The following IL5 variants were observed in gnomAD, a reference collection of about 807,000 sequenced individuals.
IL5 encodes interleukin-5.
In IL5, 12 loss-of-function variants were observed where a neutral mutation model predicts 16.3. That is an observed-to-expected ratio of 0.74 (90% CI 0.47 to 1.20). The LOEUF (loss-of-function observed/expected upper bound fraction) is 1.20, where lower values mean the gene tolerates loss of function less well. Ranked by LOEUF, IL5 falls within the 50% of genes most tolerant of loss-of-function variation. The pLI is 0.00. For synonymous variants in IL5, 54 were observed against 56.6 expected (o/e 0.95, Z 0.21); for missense variants, 159 against 153.9 (o/e 1.03, Z -0.17).
chr5:132,542,379 T>A (rs1257112753), intron 2 of IL5, among the ~76,000 whole-genome samples: 1 of 152,178 alleles, frequency 6.6e-6, no homozygotes, highest in African/African-American at 2.4e-5. Context: ...TTTTGTTTGT[T>A]TTCTAGGCAA....
intron 1 of IL5, among the ~76,000 whole-genome samples, chr5:132,549,388 A>G (rs1197739197): frequency 1.3e-5 from 2 of 152,158 alleles, no homozygotes; most frequent in African/African-American, 4.8e-5. Flanking sequence ...AGGAGCCTAA[A>G]GTAACAAACA....
chr5:132,541,861 G>C lies in IL5; in HGVS notation c.355C>G (p.Leu119Val). 6.2e-7 allele frequency: 1 copy of C among 1,613,832 alleles called. No homozygotes were observed. Among genetic ancestry groups the C allele is most frequent in the Non-Finnish European group, 8.5e-7 (1 of 1,179,850 alleles). Residue 119 changes from leucine to valine, a missense_variant, in exon 4 of 4, where the codon CTG (leucine) becomes GTG (valine). By Grantham distance (32) the Leu-to-Val change is conservative (BLOSUM62 1). Transcript: ENST00000231454. The stretch of plus-strand genomic sequence containing the variant: ...TTCATTACACCAAGAAACTCTTGCA[G>C]GTAGTCTAGGAATTGGTTTACTCTC... ...RRRVNQFLDY[L>V]QEFLGVMNTE...
At chr5:132,545,019 G>A (rs531717159), upstream of IL5, among the ~76,000 whole-genome samples, 5 of 152,288 alleles carry the variant, frequency 3.3e-5, no homozygotes, top group South Asian at 1.0e-3. Flanking sequence ...GGTTAGATGT[G>A]TCTGATTTGC....
chr5:132,556,471 C>T, intron 1 of IL5: 1 of 183,410 alleles, frequency 5.5e-6, no homozygotes. Flanking sequence ...CCTCAAAGAG[C>T]GTGTACGTGA....
upstream of IL5, chr5:132,543,552 T>C (rs1749737815): frequency 1.0e-5 from 15 of 1,448,926 alleles, 1 homozygote; most frequent in South Asian, 2.2e-4. Flanking sequence ...AGTCAATTTA[T>C]TGTCTGTCTT....
intron 1 of IL5, among the ~76,000 whole-genome samples, chr5:132,553,803 C>T (rs1463695545): frequency 1.3e-5 from 2 of 151,614 alleles, no homozygotes; most frequent in African/African-American, 4.8e-5. Flanking sequence ...GGCGCGGTGG[C>T]GGGCGCCTGT....
chr5:132,552,562 A>G (rs1321432119), intron 1 of IL5, among the ~76,000 whole-genome samples: 1 of 151,980 alleles, frequency 6.6e-6, no homozygotes, highest in Non-Finnish European at 1.5e-5. Flanking sequence ...TTGTAATGGA[A>G]CCTGGTTACC....
At chr5:132,544,493 C>T (rs2069811), upstream of IL5, among the ~76,000 whole-genome samples, 2,081 of 152,306 alleles carry the variant, frequency 0.014, 52 homozygotes, top group African/African-American at 0.048. Flanking sequence ...GTCACAGATA[C>T]ACAATACATG....
intron 1 of IL5, among the ~76,000 whole-genome samples, chr5:132,549,196 C>T (rs1749843671): frequency 1.3e-5 from 2 of 152,168 alleles, no homozygotes; most frequent in Admixed American, 1.3e-4. Context: ...GCTGGGATTA[C>T]AGGCACCTGC....
intron 1 of IL5, among the ~76,000 whole-genome samples, chr5:132,551,500 G>T (rs2149826678): frequency 6.6e-6 from 1 of 152,228 alleles, no homozygotes; most frequent in African/African-American, 2.4e-5. Flanking sequence ...ATATGTGCAT[G>T]TGAGGTGAAT....
upstream of IL5, among the ~76,000 whole-genome samples, chr5:132,548,500 T>G (rs1419610146): frequency 6.6e-6 from 1 of 152,246 alleles, no homozygotes; most frequent in African/African-American, 2.4e-5. Flanking sequence ...CTTTGCTTAG[T>G]TCCACGTTAT....
intron 1 of IL5, among the ~76,000 whole-genome samples, chr5:132,555,812 G>A (rs1456345029): frequency 6.6e-6 from 1 of 152,174 alleles, no homozygotes; most frequent in Non-Finnish European, 1.5e-5. Context: ...ACCGCGCCTG[G>A]CCAAGACAGT....
chr5:132,546,808 G>A (rs576683786), upstream of IL5, among the ~76,000 whole-genome samples: 3 of 152,110 alleles, frequency 2.0e-5, no homozygotes, highest in Non-Finnish European at 2.9e-5. Context: ...GGCAGATCAC[G>A]AGGTCAGGAG....
upstream of IL5, among the ~76,000 whole-genome samples, chr5:132,544,737 A>C (rs958902175): frequency 1.3e-5 from 2 of 152,224 alleles, no homozygotes; most frequent in Non-Finnish European, 2.9e-5. Context: ...TGAGCATCCC[A>C]GAGTGGCTCT....
intron 1 of IL5, among the ~76,000 whole-genome samples, chr5:132,552,796 C>T (rs1460531116): frequency 6.6e-6 from 1 of 152,080 alleles, no homozygotes; most frequent in Non-Finnish European, 1.5e-5. Flanking sequence ...AGTGCAGTGG[C>T]GTGATCTTGG....
intron 2 of IL5, 53 bp from the exon 3 acceptor site, chr5:132,542,196 T>A: frequency 1.4e-6 from 2 of 1,474,900 alleles, no homozygotes; most frequent in South Asian, 2.4e-5. Context: ...GTATAAAAAT[T>A]TGGTCCATTG....
At chr5:132,541,967 T>C (rs747389546) in intron 3 of IL5, 48 bp downstream of exon 3, 2 of 1,612,742 alleles carry the variant, frequency 1.2e-6, no homozygotes, top group Non-Finnish European at 1.7e-6. Flanking sequence ...TCCATAGAAA[T>C]AGGCACAGCC....
At chr5:132,545,955 A>G (rs1749778266), upstream of IL5, among the ~76,000 whole-genome samples, 1 of 152,040 alleles carries the variant, frequency 6.6e-6, no homozygotes, top group African/African-American at 2.4e-5. Context: ...AAAGCACAAC[A>G]ACAACAACAA....
chr5:132,549,790 A>G (rs538268022), intron 1 of IL5, among the ~76,000 whole-genome samples: 95 of 152,278 alleles, frequency 6.2e-4, no homozygotes, highest in Non-Finnish European at 1.1e-3. Flanking sequence ...ATGCCTCGCA[A>G]TTTTCATGAT....
Sources: gnomAD v4.1 joint callset for allele counts (sites outside exome capture counted in the v4.1 genomes callset) on GRCh38, gnomAD v4.1.1 for gene constraint, MANE v1.5 for transcripts, NCBI Gene and HGNC (gene_info 2026-07-23, HGNC 2026-07-21) for gene names.